The following RALA variants were observed in gnomAD, a reference collection of about 807,000 sequenced individuals.
RALA encodes ras-related protein Ral-A.
In RALA, 5 loss-of-function variants were observed where a neutral mutation model predicts 24.0. The ratio of observed to expected loss-of-function variants is 0.21; its 90% CI spans 0.11 to 0.44. RALA has a LOEUF of 0.44. RALA is among the 20% of genes least tolerant of loss of function. RALA has a pLI of 0.99. For missense variants in RALA, 95 were observed against 241.2 expected, an observed-to-expected ratio of 0.39 and a Z score of 4.01; for synonymous variants, 77 against 83.8, an observed-to-expected ratio of 0.92 and a Z score of 0.44.
At chr7:39,630,208 TA>T (rs1393240870) in intron 1 of RALA, among the ~76,000 whole-genome samples, 5 of 133,144 alleles carry the variant, frequency 3.8e-5, no homozygotes, top group Admixed American at 8.3e-5. Context: ...CATGCCTTGC[TA>T]ATTTTTTTTT....
intron 1 of RALA, among the ~76,000 whole-genome samples, chr7:39,659,449 T>C (rs1414560542): frequency 6.6e-6 from 1 of 152,210 alleles, no homozygotes; most frequent in Non-Finnish European, 1.5e-5. Context: ...TAACTTCAAC[T>C]TAAGATTTTT....
At chr7:39,699,625 G>A (rs571651793) in intron 4 of RALA, among the ~76,000 whole-genome samples, 1 of 152,210 alleles carries the variant, frequency 6.6e-6, no homozygotes, top group Non-Finnish European at 1.5e-5. Flanking sequence ...TAAATGTGCT[G>A]ATATCAGATG....
At chr7:39,640,754 T>A (rs2115941009) in intron 1 of RALA, among the ~76,000 whole-genome samples, 1 of 152,324 alleles carries the variant, frequency 6.6e-6, no homozygotes, top group South Asian at 2.1e-4. Flanking sequence ...ATAGTCACCT[T>A]CATCTTCATT....
chr7:39,679,630 G>A (rs1433433102), intron 1 of RALA, among the ~76,000 whole-genome samples: 1 of 152,084 alleles, frequency 6.6e-6, no homozygotes, highest in African/African-American at 2.4e-5. Flanking sequence ...TTTTTATATA[G>A]AGAAATCATC....
chr7:39,665,905 A>G (rs993900908), intron 1 of RALA, among the ~76,000 whole-genome samples: 1 of 152,006 alleles, frequency 6.6e-6, no homozygotes, highest in Non-Finnish European at 1.5e-5. Context: ...CACATTTTTA[A>G]AGCTTGATAT....
chr7:39,708,038 C>T lies in RALA; in HGVS notation c.*1793C>T, dbSNP rs1439817488. The T allele has an allele frequency of 2.0e-5, 3 of 152,654 alleles. No homozygotes were observed. The highest frequency in any genetic ancestry group is 2.9e-5 in the Non-Finnish European group (2 of 68,054). 9.5% of individuals were successfully genotyped at this position (152,654 alleles called of 1,614,324 possible). A position where few individuals can be genotyped will look rare whatever the true frequency, so the allele number is the denominator to read the frequency against. ...GAAGCCAACTGACAAAGATGCATCACGTGTCTTAGGCTGATGCCACTACCC... is the reference window on the plus strand; with the variant it reads ...GAAGCCAACTGACAAAGATGCATCATGTGTCTTAGGCTGATGCCACTACCC... On this transcript the variant is annotated 3_prime_UTR_variant, in exon 5 of 5. Coordinates refer to ENST00000005257, the MANE Select transcript of RALA (RefSeq NM_005402.4).
chr7:39,634,138 C>T (rs1215602276), intron 1 of RALA, among the ~76,000 whole-genome samples: 1 of 152,146 alleles, frequency 6.6e-6, no homozygotes, highest in Non-Finnish European at 1.5e-5. Flanking sequence ...AACTCTCAGT[C>T]CATGGCCTGT....
chr7:39,664,465 G>A (rs979730409), intron 1 of RALA, among the ~76,000 whole-genome samples: 2 of 152,128 alleles, frequency 1.3e-5, no homozygotes, highest in African/African-American at 2.4e-5. Flanking sequence ...CTATGAGGTC[G>A]AAACTGAAGG....
At chr7:39,701,594 A>G (rs1793028393) in intron 4 of RALA, among the ~76,000 whole-genome samples, 1 of 152,186 alleles carries the variant, frequency 6.6e-6, no homozygotes, top group Non-Finnish European at 1.5e-5. Context: ...CCTGATCACA[A>G]ATTTTCAGGA....
chr7:39,651,117 C>T lies in RALA; in HGVS notation c.-38+27292C>T, dbSNP rs555415412. On this transcript the variant is annotated intron_variant, in intron 1 of 4. Coordinates refer to ENST00000005257, the MANE Select transcript of RALA (RefSeq NM_005402.4). ...ATCATTATGTTTTTCACTTTCAACC[C>T]AGTATTCAATAAATTATATGAGATA... 4.6e-5 allele frequency among the ~76,000 whole-genome samples: 7 copies of T among 152,270 alleles called. No individual in the cohort carries two copies. In the South Asian group the frequency reaches 1.5e-3, roughly 32 times the overall value.
At chr7:39,672,649 T>TTA (rs1554297165) in intron 1 of RALA, among the ~76,000 whole-genome samples, 2 of 141,510 alleles carry the variant, frequency 1.4e-5, no homozygotes, top group African/African-American at 2.6e-5. Flanking sequence ...TATTCAGTCG[T>TTA]AAAAAAAAAA....
At chr7:39,687,834 C>T (rs1562622994) in intron 2 of RALA, among the ~76,000 whole-genome samples, 1 of 152,310 alleles carries the variant, frequency 6.6e-6, no homozygotes, top group East Asian at 1.9e-4. Context: ...ACCCAGCTTA[C>T]CCAAGAAAAG....
chr7:39,633,991 C>T (rs1357636297), intron 1 of RALA, among the ~76,000 whole-genome samples: 1 of 151,854 alleles, frequency 6.6e-6, no homozygotes, highest in African/African-American at 2.4e-5. Flanking sequence ...TACCAGGTCC[C>T]TGTGTGAACT....
chr7:39,643,990 A>G (rs1791883695), intron 1 of RALA, among the ~76,000 whole-genome samples: 3 of 152,340 alleles, frequency 2.0e-5, no homozygotes, highest in Admixed American at 6.5e-5. Context: ...CTCTGAGAGC[A>G]GGTTAATACA....
At position 39,681,766 on chromosome 7, in the gene RALA, G is replaced by A. The variant is rs572751847; in HGVS notation, c.-37-4865G>A. Reference sequence around the variant, plus strand: ...TCAAATATCATCTGTAAACTGACGTGCAATTTTTTTTCCATCTCTACCCTC... The same window carrying A: ...TCAAATATCATCTGTAAACTGACGTACAATTTTTTTTCCATCTCTACCCTC... On this transcript the variant is annotated intron_variant, in intron 1 of 4. Transcript: ENST00000005257. Among the ~76,000 whole-genome samples, 37 of 152,172 alleles carry A rather than the reference G, an allele frequency of 2.4e-4. No homozygotes were observed. The South Asian group carries it at 7.7e-3, about 32-fold the overall frequency.
At chr7:39,674,501 C>G (rs1260812210) in intron 1 of RALA, among the ~76,000 whole-genome samples, 1 of 152,096 alleles carries the variant, frequency 6.6e-6, no homozygotes. Context: ...GAATTCTTTG[C>G]CCCATATTCA....
chr7:39,660,263 T>C (rs2115992950), intron 1 of RALA, among the ~76,000 whole-genome samples: 1 of 151,884 alleles, frequency 6.6e-6, no homozygotes, highest in African/African-American at 2.4e-5. Context: ...AGAGAATTGC[T>C]TGAACCCAGG....
chr7:39,637,960 ATAATACTGTTG>A (rs1362636105), intron 1 of RALA, among the ~76,000 whole-genome samples: 1 of 152,272 alleles, frequency 6.6e-6, no homozygotes. Flanking sequence ...ATTCTCCTGC[ATAATACTGTTG>A]TAATACTATT....
intron 4 of RALA, among the ~76,000 whole-genome samples, chr7:39,702,448 A>G (rs1224338586): frequency 2.6e-5 from 4 of 152,186 alleles, no homozygotes; most frequent in East Asian, 1.9e-4. Flanking sequence ...TTTTATGACA[A>G]ATCCTACAGC....
Sources: allele counts gnomAD v4.1 joint callset (sites outside exome capture counted in the v4.1 genomes callset), GRCh38; gene constraint gnomAD v4.1.1; transcripts MANE v1.5; gene names NCBI Gene and HGNC (gene_info 2026-07-23, HGNC 2026-07-21).